The following CDH12 variants were observed in gnomAD, a reference collection of about 807,000 sequenced individuals.
The protein encoded by CDH12 is cadherin-12.
CDH12 carries 41 observed loss-of-function variants against 74.1 expected under a neutral mutation model. The ratio of observed to expected loss-of-function variants is 0.55; its 90% confidence interval spans 0.43 to 0.72. The LOEUF is 0.72. CDH12 is among the 30% of genes least tolerant of loss of function. The probability of loss-of-function intolerance (pLI) is 0.00; values close to 1 mark genes in which losing one functional copy is unlikely to be tolerated. For missense variants in CDH12, 945 were observed against 977.2 expected (o/e 0.97, Z 0.44); for synonymous variants, 399 against 355.0 (o/e 1.12, Z -1.39).
intron 9 of CDH12, among the ~76,000 whole-genome samples, chr5:21,816,139 C>T (rs1330030096): frequency 6.6e-6 from 1 of 152,084 alleles, no homozygotes; most frequent in East Asian, 1.9e-4. Context: ...TTTTCCTCTG[C>T]CTCTGCCATC....
chr5:22,371,742 A>T (rs1245379819), intron 3 of CDH12, among the ~76,000 whole-genome samples: 1 of 152,234 alleles, frequency 6.6e-6, no homozygotes, highest in African/African-American at 2.4e-5. Context: ...TTATGTACCA[A>T]GCACCTATTG....
intron 5 of CDH12, among the ~76,000 whole-genome samples, chr5:22,054,951 A>G (rs4599507): frequency 0.026 from 3,904 of 152,228 alleles, 180 homozygotes; most frequent in African/African-American, 0.09. Flanking sequence ...CGTAGTCATA[A>G]CCTTTAAGGC....
chr5:22,357,977 G>A (rs1171637484), intron 3 of CDH12, among the ~76,000 whole-genome samples: 1 of 152,154 alleles, frequency 6.6e-6, no homozygotes, highest in Non-Finnish European at 1.5e-5. Context: ...CATTAAAAAT[G>A]AGTTTTGAAT....
At chr5:22,034,628 G>A (rs1353355635) in intron 5 of CDH12, among the ~76,000 whole-genome samples, 1 of 152,072 alleles carries the variant, frequency 6.6e-6, no homozygotes, top group African/African-American at 2.4e-5. Flanking sequence ...ACAAAGAATA[G>A]GACACTATTC....
At chr5:22,098,654 C>T (rs574083850) in intron 4 of CDH12, among the ~76,000 whole-genome samples, 6 of 152,280 alleles carry the variant, frequency 3.9e-5, no homozygotes, top group East Asian at 1.9e-4. Context: ...TTCGTTGAGT[C>T]GCCCACAATT....
intron 7 of CDH12, among the ~76,000 whole-genome samples, chr5:21,853,661 T>C (rs144909878): frequency 0.021 from 3,161 of 151,812 alleles, 102 homozygotes; most frequent in African/African-American, 0.07. Context: ...GTATACCAGA[T>C]TTTTACACAT....
At chr5:22,086,093 A>G (rs1415650520) in intron 4 of CDH12, among the ~76,000 whole-genome samples, 1 of 152,128 alleles carries the variant, frequency 6.6e-6, no homozygotes, top group Non-Finnish European at 1.5e-5. Flanking sequence ...CTGGTATAGC[A>G]AACCCTTAAC....
At chr5:22,264,466 T>C (rs965140759) in intron 3 of CDH12, among the ~76,000 whole-genome samples, 2 of 152,208 alleles carry the variant, frequency 1.3e-5, no homozygotes, top group African/African-American at 4.8e-5. Flanking sequence ...AGCAAAATTA[T>C]ATCTTAAACA....
At chr5:22,114,747 T>G (rs573316644) in intron 4 of CDH12, among the ~76,000 whole-genome samples, 1 of 152,306 alleles carries the variant, frequency 6.6e-6, no homozygotes, top group Admixed American at 6.5e-5. Flanking sequence ...AGCCACGTTA[T>G]GTCAGATAGT....
chr5:22,770,090 G>T (rs374536234), intron 1 of CDH12, among the ~76,000 whole-genome samples: 1 of 148,970 alleles, frequency 6.7e-6, no homozygotes. Context: ...GTAACTCACC[G>T]AGAGATATTC....
At chr5:22,743,260 T>TTA (rs71609778) in intron 1 of CDH12, among the ~76,000 whole-genome samples, 21,081 of 90,160 alleles carry the variant, frequency 0.23, 1,714 homozygotes, top group African/African-American at 0.35. Flanking sequence ...AGCATGGAGA[T>TTA]TATATATATA....
intron 1 of CDH12, among the ~76,000 whole-genome samples, chr5:22,664,070 A>G (rs188672031): frequency 6.6e-6 from 1 of 152,224 alleles, no homozygotes; most frequent in Non-Finnish European, 1.5e-5. Flanking sequence ...AAAGATATTT[A>G]AATATAATTC....
chr5:22,244,736 AAAGAAAAGAAAGAAAG>A (rs1306378825), intron 3 of CDH12, among the ~76,000 whole-genome samples: 24 of 117,922 alleles, frequency 2.0e-4, no homozygotes, highest in African/African-American at 7.4e-4. Context: ...AAAAAGAAAG[AAAGAAAAGAAAGAAAG>A]AAAGAAAGAA....
chr5:22,206,838 G>A (rs1344770741), intron 4 of CDH12, among the ~76,000 whole-genome samples: 1 of 151,296 alleles, frequency 6.6e-6, no homozygotes, highest in African/African-American at 2.4e-5. Context: ...AAATATGGAT[G>A]AATTAGTGAG....
At chr5:22,686,447 C>T (rs544219097) in intron 1 of CDH12, among the ~76,000 whole-genome samples, 20 of 152,294 alleles carry the variant, frequency 1.3e-4, no homozygotes, top group South Asian at 2.1e-4. Context: ...AAGAAGTCTT[C>T]GCCTAACTAA....
intron 3 of CDH12, among the ~76,000 whole-genome samples, chr5:22,382,445 G>A (rs895895088): frequency 2.6e-5 from 4 of 151,958 alleles, no homozygotes; most frequent in Admixed American, 2.6e-4. Context: ...GCCCTGTAGA[G>A]ATGCACCATG....
intron 1 of CDH12, among the ~76,000 whole-genome samples, chr5:22,788,498 A>C (rs1747752408): frequency 6.7e-6 from 1 of 150,010 alleles, no homozygotes; most frequent in Non-Finnish European, 1.5e-5. Flanking sequence ...ACTATATGTC[A>C]TTCCAATAAT....
In CDH12 at chr5:22,678,051, G is replaced by A. The variant is rs942962670; in HGVS notation, c.-522-172687C>T. ...CCTCCTATACCATCCTCATGGGGGG[G>A]GGGGTTAGGATTTTAATGTAAAATT... On this transcript the variant is annotated intron_variant, in intron 1 of 14. Coordinates refer to ENST00000382254, the MANE Select transcript of CDH12 (RefSeq NM_004061.5). Among the ~76,000 whole-genome samples, 21 of 151,354 alleles carry A rather than the reference G, an allele frequency of 1.4e-4. 1 individual carries two copies. Among genetic ancestry groups the A allele is most frequent in the Non-Finnish European group, 2.1e-4 (14 of 67,776 alleles).
chr5:21,902,923 T>C (rs1753465963), intron 6 of CDH12, among the ~76,000 whole-genome samples: 2 of 152,208 alleles, frequency 1.3e-5, no homozygotes, highest in Admixed American at 6.6e-5. Flanking sequence ...ATTGAGCCCA[T>C]GAAAACATTA....
Sources: gnomAD v4.1 joint callset for allele counts (sites outside exome capture counted in the v4.1 genomes callset) on GRCh38, gnomAD v4.1.1 for gene constraint, MANE v1.5 for transcripts, NCBI Gene and HGNC (gene_info 2026-07-23, HGNC 2026-07-21) for gene names.